PPARG: variants seen among roughly 807,000 people sequenced by gnomAD.
PPARG encodes the protein peroxisome proliferator-activated receptor gamma.
In PPARG, 17 loss-of-function variants were observed where a neutral mutation model predicts 39.2. That is an observed-to-expected ratio of 0.43 (90% confidence interval 0.30 to 0.65). PPARG has a LOEUF of 0.65. PPARG is among the 30% of genes least tolerant of loss of function. PPARG has a pLI of 0.13. For missense variants in PPARG, 406 were observed against 585.9 expected (o/e 0.69, Z 3.17); for synonymous variants, 223 against 215.7 (o/e 1.03, Z -0.30).
chr3:12,395,398 G>A (rs957598762), intron 5 of PPARG, among the ~76,000 whole-genome samples: 1 of 152,182 alleles, frequency 6.6e-6, no homozygotes, highest in African/African-American at 2.4e-5. Flanking sequence ...GCAATTTCGG[G>A]CAGTTGGTTT....
At chr3:12,414,571 A>G (rs1444468641) in intron 6 of PPARG, among the ~76,000 whole-genome samples, 1 of 152,220 alleles carries the variant, frequency 6.6e-6, no homozygotes, top group Admixed American at 6.5e-5. Flanking sequence ...GTTCTGTGAA[A>G]GCATCATTAT....
intron 2 of PPARG, among the ~76,000 whole-genome samples, chr3:12,325,717 A>T (rs554380794): frequency 6.7e-6 from 1 of 150,046 alleles, no homozygotes; most frequent in East Asian, 2.0e-4. Flanking sequence ...GGGACACATT[A>T]ATTGTGCAAA....
chr3:12,432,617 A>G (rs1575162188), intron 7 of PPARG, among the ~76,000 whole-genome samples: 1 of 152,222 alleles, frequency 6.6e-6, no homozygotes, highest in African/African-American at 2.4e-5. Flanking sequence ...ATTTAATCCC[A>G]TATTGGAGGT....
intron 5 of PPARG, among the ~76,000 whole-genome samples, chr3:12,401,299 T>C (rs1016307764): frequency 3.3e-5 from 5 of 152,022 alleles, no homozygotes; most frequent in Admixed American, 1.3e-4. Flanking sequence ...AAGATAGAAA[T>C]AGAGATAGGC....
At chr3:12,387,908 G>A (rs1383338188) in intron 4 of PPARG, among the ~76,000 whole-genome samples, 5 of 152,014 alleles carry the variant, frequency 3.3e-5, no homozygotes, top group African/African-American at 1.2e-4. Context: ...GTGTAAGGAA[G>A]GGATCAATAA....
intron 1 of PPARG, among the ~76,000 whole-genome samples, chr3:12,310,458 CTTTTTTTT>C (rs1204347882): frequency 1.4e-5 from 1 of 69,912 alleles, no homozygotes; most frequent in Admixed American, 2.0e-4. Context: ...TATTTGAGCC[CTTTTTTTT>C]TTTTTTTTTT....
intron 2 of PPARG, among the ~76,000 whole-genome samples, chr3:12,369,181 T>C (rs867979302): frequency 1.3e-5 from 2 of 152,136 alleles, no homozygotes; most frequent in Admixed American, 6.6e-5. Flanking sequence ...TTTACCTTCC[T>C]ATCTCTAGAA....
intron 1 of PPARG, among the ~76,000 whole-genome samples, chr3:12,306,316 G>A (rs57819653): frequency 0.28 from 42,529 of 152,032 alleles, 6,101 homozygotes; most frequent in East Asian, 0.33. Flanking sequence ...ATGTTCGCTC[G>A]CCCACCACTC....
At chr3:12,300,834 A>G (rs911044128) in intron 1 of PPARG, among the ~76,000 whole-genome samples, 2 of 152,192 alleles carry the variant, frequency 1.3e-5, no homozygotes, top group African/African-American at 4.8e-5. Context: ...AGTAGTTCTC[A>G]TTCTCTTTAC....
At chr3:12,346,906 G>A (rs942888803) in intron 2 of PPARG, among the ~76,000 whole-genome samples, 1 of 152,008 alleles carries the variant, frequency 6.6e-6, no homozygotes, top group African/African-American at 2.4e-5. Flanking sequence ...AAAGTGCTGG[G>A]ATTGCAGGTG....
chr3:12,376,251 A>G (rs533178533), intron 2 of PPARG, among the ~76,000 whole-genome samples: 1 of 152,162 alleles, frequency 6.6e-6, no homozygotes, highest in African/African-American at 2.4e-5. Flanking sequence ...ACCCGGCCTC[A>G]GGGCATTTTT....
Position 12,434,215 on chromosome 3 carries a change from C to A in PPARG, c.*70C>A, listed in dbSNP as rs2051781860. On this transcript the variant is annotated 3_prime_UTR_variant, in exon 8 of 8. Transcript: ENST00000651735. The surrounding 1 kb of genome is among the most constrained non-coding windows in gnomAD (Gnocchi z 4.2). The stretch of plus-strand genomic sequence containing the variant: ...CACTATTCTGAGGGAAAATCTGACA[C>A]CTAAGAAATTTACTGTGAAAAAGCA... The A allele has an allele frequency of 6.3e-7, 1 of 1,594,666 alleles. No homozygotes were observed. Among genetic ancestry groups the A allele is most frequent in the Admixed American group, 1.7e-5 (1 of 58,996 alleles).
At chr3:12,327,602 T>A (rs745775864) in intron 2 of PPARG, among the ~76,000 whole-genome samples, 1 of 152,184 alleles carries the variant, frequency 6.6e-6, no homozygotes, top group Non-Finnish European at 1.5e-5. Flanking sequence ...CTGGCGCAGA[T>A]GCTTTTTTGG....
chr3:12,382,917 G>A (rs1053858323), intron 4 of PPARG, among the ~76,000 whole-genome samples: 8 of 152,244 alleles, frequency 5.3e-5, no homozygotes, highest in African/African-American at 1.9e-4. Flanking sequence ...GCTGCAGTGA[G>A]CTATGATCAT....
intron 5 of PPARG, among the ~76,000 whole-genome samples, chr3:12,395,490 T>C (rs981551889): frequency 2.0e-5 from 3 of 152,192 alleles, no homozygotes; most frequent in African/African-American, 7.2e-5. Flanking sequence ...TCCTAGGCTA[T>C]GTAGGGTTAC....
At chr3:12,379,104 T>A (rs536561468) in intron 2 of PPARG, among the ~76,000 whole-genome samples, 4 of 152,192 alleles carry the variant, frequency 2.6e-5, no homozygotes, top group Non-Finnish European at 5.9e-5. Context: ...CCTCCCAGGT[T>A]CAAGTGATTC....
At chr3:12,408,567 CT>C (rs397945616) in intron 6 of PPARG, among the ~76,000 whole-genome samples, 18,184 of 113,128 alleles carry the variant, frequency 0.16, 882 homozygotes, top group Middle Eastern at 0.2. Context: ...CTTTTCTTTT[CT>C]TTTTTTTTTT....
At chr3:12,404,808 TATAAAATAAA>T (rs749537356) in intron 5 of PPARG, among the ~76,000 whole-genome samples, 1 of 152,006 alleles carries the variant, frequency 6.6e-6, no homozygotes, top group Non-Finnish European at 1.5e-5. Context: ...CATCTCAAAA[TATAAAATAAA>T]ATAAAATAAA....
chr3:12,325,550 G>A (rs922858357), intron 2 of PPARG, among the ~76,000 whole-genome samples: 2 of 151,896 alleles, frequency 1.3e-5, no homozygotes, highest in African/African-American at 2.4e-5. Flanking sequence ...GCAGTGAGCC[G>A]AGATTGCACC....
Sources: gnomAD v4.1 joint callset for allele counts (sites outside exome capture counted in the v4.1 genomes callset) on GRCh38, gnomAD v4.1.1 for gene constraint, Gnocchi (gnomAD v3.1) non-coding constraint, MANE v1.5 for transcripts, NCBI Gene and HGNC (gene_info 2026-07-23, HGNC 2026-07-21) for gene names.